JTB: variants seen among roughly 807,000 people sequenced by gnomAD.
JTB encodes protein JTB.
A neutral mutation model predicts 22.1 loss-of-function variants in JTB; 10 were observed. The observed-to-expected ratio is 0.45, with a 90% confidence interval of 0.28 to 0.77. The LOEUF is 0.77. Ranked by LOEUF, JTB falls within the 30% of genes least tolerant of loss-of-function variation. JTB has a pLI of 0.13. For missense variants in JTB, 137 were observed against 180.3 expected (o/e 0.76, Z 1.38); for synonymous variants, 83 against 66.8 (o/e 1.24, Z -1.18).
chr1:153,977,357 G>A lies in JTB; in HGVS notation c.-105C>T. 6.6e-7 allele frequency: 1 copy of A among 1,522,152 alleles called. No individual in the cohort carries two copies. Among genetic ancestry groups the A allele is most frequent in the Admixed American group, 2.2e-5 (1 of 46,206 alleles). 94.3% of individuals were successfully genotyped at this position (1,522,152 alleles called of 1,614,324 possible). ...CACTTACTCTGCAGCCCTCCCAGAG[G>A]TTCCAGGTCAGGGCAGGGAAGGCCG... On this transcript the variant is annotated 5_prime_UTR_variant, in exon 1 of 5. Coordinates refer to ENST00000271843, the MANE Select transcript of JTB (RefSeq NM_006694.4).
chr1:153,976,659 T>TAA (rs371751474), intron 3 of JTB, 34 bp downstream of exon 3: 61 of 1,189,418 alleles, frequency 5.1e-5, no homozygotes, highest in South Asian at 2.4e-4. Context: ...CTTAGATGTT[T>TAA]AAAAAAAAAA....
rs182933626 is a variant in JTB at position 153,977,450 on chromosome 1, T to C, written c.-198A>G. ...TGCCACAGCGAGAAAAATCGATATG[T>C]TTTTGCGGGCTAGGGAGGCGAGCGC... On this transcript the variant is annotated 5_prime_UTR_variant, in exon 1 of 5. Transcript: ENST00000271843. 722 of 1,354,764 alleles carry C rather than the reference T, an allele frequency of 5.3e-4. 3 individuals are homozygous for C. The African/African-American group carries it at 9.7e-3, about 18-fold the overall frequency. The allele number at this position is 1,354,764 out of a possible 1,614,324, so 83.9% of individuals were successfully genotyped here.
At chr1:153,974,984 A>C in intron 4 of JTB, 149 bp from the exon 5 acceptor site, 1 of 695,114 alleles carries the variant, frequency 1.4e-6, no homozygotes, top group Non-Finnish European at 2.2e-6. Context: ...TCCCTCTCAA[A>C]TAGATCATTT....
chr1:153,976,852 G>A (rs1648808839), intron 2 of JTB, 77 bp from the exon 3 acceptor site: 2 of 1,594,418 alleles, frequency 1.3e-6, no homozygotes, highest in East Asian at 4.5e-5. Context: ...CAACTTCCCG[G>A]CACAGCGCTT....
Position 153,974,728 on chromosome 1 carries a change from A to G in JTB, c.392T>C (p.Leu131Ser). 2 of 1,613,954 alleles carry G rather than the reference A, an allele frequency of 1.2e-6. No individual in the cohort carries two copies. Among genetic ancestry groups the G allele is most frequent in the South Asian group, 1.1e-5 (1 of 91,076 alleles). Residue 131 changes from leucine (L) to serine (S), a missense_variant, in exon 5 of 5, where the codon TTG (leucine) becomes TCG (serine). By Grantham distance (145) the Leu-to-Ser change is moderately radical. Coordinates refer to ENST00000271843, the MANE Select transcript of JTB (RefSeq NM_006694.4). ...GACCTTTTCCAGAGCCTTTCTGTCC[A>G]ATTGTCGCTGACGAATGATGACAAG... The part of the protein sequence containing the change: ...ACLVIIRQRQ[L>S]DRKALEKVRK...
Position 153,976,711 on chromosome 1 carries a change from T to G in JTB, c.186A>C (p.Pro62=), listed in dbSNP as rs778831823. 1 of 1,612,664 alleles carries G rather than the reference T, an allele frequency of 6.2e-7. No homozygotes were observed. Among genetic ancestry groups the G allele is most frequent in the Non-Finnish European group, 8.5e-7 (1 of 1,179,804 alleles). The part of the protein sequence containing the change: ...EEFVVAEECS[P]CSNFRAKTTP... The stretch of plus-strand genomic sequence containing the variant: ...TACTCACAGCCCGGAAATTAGAGCA[T>G]GGAGAGCACTCTTCTGCTACCACAA... Residue 62 remains proline (P), a synonymous_variant, in exon 3 of 5, where the codon CCA becomes CCC. Coordinates refer to ENST00000271843, the MANE Select transcript of JTB (RefSeq NM_006694.4).
chr1:153,975,707 C>G (rs531561917), intron 4 of JTB, 119 bp downstream of exon 4: 5 of 796,406 alleles, frequency 6.3e-6, no homozygotes, highest in Non-Finnish European at 1.1e-5. Flanking sequence ...GGTGTGAGCC[C>G]GGCCCCCTCT....
chr1:153,974,588 C>T lies in JTB; in HGVS notation c.*91G>A, dbSNP rs1316051844. On this transcript the variant is annotated 3_prime_UTR_variant, in exon 5 of 5. Coordinates refer to ENST00000271843, the MANE Select transcript of JTB (RefSeq NM_006694.4). The stretch of plus-strand genomic sequence containing the variant: ...GGGAAAAGGGGATTCCACCACAAGG[C>T]TCCAAAGAACCAAGAGTGCAAATCA... The T allele has an allele frequency of 4.6e-6, 5 of 1,083,076 alleles. No individual in the cohort carries two copies. The highest frequency in any genetic ancestry group is 2.4e-5 in the East Asian group (1 of 41,704). The allele number at this position is 1,083,076 out of a possible 1,614,324, so 67.1% of individuals were successfully genotyped here. A position where few individuals can be genotyped will look rare whatever the true frequency, so the allele number is the denominator to read the frequency against.
chr1:153,976,983 C>G lies in JTB; in HGVS notation c.114G>C (p.Lys38Asn). Residue 38 changes from lysine to asparagine, a missense_variant, in exon 2 of 5, where the codon AAG (lysine) becomes AAC (asparagine). Physicochemically the swap from Lys to Asn is moderately conservative, Grantham distance 94. Transcript: ENST00000271843. The stretch of plus-strand genomic sequence containing the variant: ...TCCCAGACAATCACCCACCTGACAG[C>G]TTCTCTTCCTGCACGGGAGCCTCTG... The part of the protein sequence containing the change: ...CQAEAPVQEE[K>N]LSASTSNLPC... The G allele has an allele frequency of 1.2e-6, 2 of 1,614,174 alleles. No individual in the cohort carries two copies. Among genetic ancestry groups the G allele is most frequent in the East Asian group, 4.5e-5 (2 of 44,884 alleles).
chr1:153,974,661 T>C lies in JTB; in HGVS notation c.*18A>G. The stretch of plus-strand genomic sequence containing the variant: ...GAGATAGGGTCTCTAAGACCCAGGA[T>C]ACAAGGGTGGAATGTAGCTATATGG... On this transcript the variant is annotated 3_prime_UTR_variant, in exon 5 of 5. Transcript: ENST00000271843. 6.2e-7 allele frequency: 1 copy of C among 1,600,190 alleles called. No homozygotes were observed. The highest frequency in any genetic ancestry group is 8.6e-7 in the Non-Finnish European group (1 of 1,168,096).
chr1:153,976,916 G>A, intron 2 of JTB, 60 bp downstream of exon 2: 1 of 1,591,720 alleles, frequency 6.3e-7, no homozygotes, highest in Non-Finnish European at 8.6e-7. Context: ...GGTATATGGG[G>A]AAGATACTAA....
intron 3 of JTB, 36 bp downstream of exon 3, chr1:153,976,657 T>A (rs2102184556): frequency 6.5e-7 from 1 of 1,543,544 alleles, no homozygotes; most frequent in Non-Finnish European, 8.9e-7. Context: ...TGCTTAGATG[T>A]TTAAAAAAAA....
Position 153,975,869 on chromosome 1 carries a change from C to T in JTB, c.241G>A (p.Glu81Lys). ...TTAGATGAGCTGCATGTGATTTTCT[C>T]TACATATCCTGTGGGACCACACTCA... ...TPECGPTGYV[E>K]KITCSSSKRN... The change falls in exon 4 of 5, where the codon GAG (glutamate) becomes AAG (lysine). Residue 81 changes from glutamate (E) to lysine (K), a missense_variant. Glu to Lys is a moderately conservative substitution (Grantham distance 56). Transcript: ENST00000271843. 6.2e-7 allele frequency: 1 copy of T among 1,614,144 alleles called. No individual in the cohort carries two copies. The highest frequency in any genetic ancestry group is 8.5e-7 in the Non-Finnish European group (1 of 1,179,996).
Position 153,974,636 on chromosome 1 carries a change from G to GAGAT in JTB, c.*39_*42dup, listed in dbSNP as rs1418296578. On this transcript the variant is annotated 3_prime_UTR_variant, in exon 5 of 5. Transcript: ENST00000271843. Reference sequence around the variant, plus strand: ...TCAGTCCATTTCACTTTCACTGTCTGAGATAGGGTCTCTAAGACCCAGGAT... The same window carrying GAGAT: ...TCAGTCCATTTCACTTTCACTGTCTGAGATAGATAGGGTCTCTAAGACCCAGGAT... 1.3e-6 allele frequency: 2 copies of GAGAT among 1,558,662 alleles called. No individual in the cohort carries two copies. Among genetic ancestry groups the GAGAT allele is most frequent in the South Asian group, 2.3e-5 (2 of 88,682 alleles).
intron 2 of JTB, 50 bp from the exon 3 acceptor site, chr1:153,976,825 C>T (rs759732359): frequency 6.2e-6 from 10 of 1,605,558 alleles, no homozygotes; most frequent in Middle Eastern, 1.7e-4. Flanking sequence ...AAACATTTCT[C>T]CCAGGCTCTG....
rs879718251 is a variant in JTB at position 153,977,498 on chromosome 1, CTGG to C, written c.-249_-247del. ...CGCCTTCTGCGGGGTCCGCAGGGCG[CTGG>C]AGGAAGGGCCGGCGGGGGCTCGCGG... On this transcript the variant is annotated 5_prime_UTR_variant, in exon 1 of 5. Coordinates refer to ENST00000271843, the MANE Select transcript of JTB (RefSeq NM_006694.4). 1.3e-5 allele frequency: 16 copies of C among 1,222,094 alleles called. No individual in the cohort carries two copies. Among genetic ancestry groups the C allele is most frequent in the Non-Finnish European group, 1.6e-5 (16 of 975,718 alleles). The allele number at this position is 1,222,094 out of a possible 1,614,324, so 75.7% of individuals were successfully genotyped here.
rs905501745 is a variant in JTB at position 153,974,759 on chromosome 1, C to T, written c.361G>A (p.Ala121Thr). 10 of 1,613,782 alleles carry T rather than the reference C, an allele frequency of 6.2e-6. No individual in the cohort carries two copies. Among genetic ancestry groups the T allele is most frequent in the South Asian group, 2.2e-5 (2 of 91,070 alleles). ...CGCTGACGAATGATGACAAGACAAG[C>T]GAAGATCAGGGCCACACACACGACA... Reference protein sequence around the residue: ...GAVVCVALIFACLVIIRQRQL... With the variant: ...GAVVCVALIFTCLVIIRQRQL... The change falls in exon 5 of 5, where the codon GCT becomes ACT. Residue 121 changes from alanine (A) to threonine (T), a missense_variant. By Grantham distance (58) the Ala-to-Thr change is moderately conservative (BLOSUM62 0). Coordinates refer to ENST00000271843, the MANE Select transcript of JTB (RefSeq NM_006694.4).
In JTB at chr1:153,977,011, T is replaced by C. The variant is rs1263556393; in HGVS notation, c.86A>G (p.Gln29Arg). The change falls in exon 2 of 5, where the codon CAA becomes CGA. Residue 29 changes from glutamine (Q) to arginine (R), a missense_variant and splice_region_variant. By Grantham distance (43) the Gln-to-Arg change is conservative (BLOSUM62 1). Coordinates refer to ENST00000271843, the MANE Select transcript of JTB (RefSeq NM_006694.4). ...CTCTTCCTGCACGGGAGCCTCTGCT[T>C]GGCTGTAGCGGAGTTGGGGGAAGGG... is the stretch of plus-strand genomic sequence containing the variant. ...LLCAFTLKLC[Q>R]AEAPVQEEKL... 3 of 1,614,154 alleles carry C rather than the reference T, an allele frequency of 1.9e-6. No individual in the cohort carries two copies. The highest frequency in any genetic ancestry group is 3.3e-5 in the Admixed American group (2 of 60,024).
chr1:153,976,246 G>C (rs965375372), intron 3 of JTB, among the ~76,000 whole-genome samples: 1 of 152,206 alleles, frequency 6.6e-6, no homozygotes, highest in Non-Finnish European at 1.5e-5. Context: ...GGCAGATCAC[G>C]AGGTAAGGAG....
Sources: gnomAD v4.1 joint callset for allele counts (sites outside exome capture counted in the v4.1 genomes callset) on GRCh38, gnomAD v4.1.1 for gene constraint, MANE v1.5 for transcripts, NCBI Gene and HGNC (gene_info 2026-07-23, HGNC 2026-07-21) for gene names.